The following PDZD2 variants were observed in gnomAD, a reference collection of about 807,000 sequenced individuals.
PDZD2 encodes the protein PDZ domain-containing protein 2.
In PDZD2, 90 loss-of-function variants were observed where a neutral mutation model predicts 220.7. The ratio of observed to expected loss-of-function variants is 0.41; its 90% CI spans 0.34 to 0.49. The LOEUF is 0.49. Among genes scored for constraint, PDZD2 ranks in the 20% least tolerant of loss-of-function variants. The probability of loss-of-function intolerance (pLI) is 0.28; values close to 1 mark genes in which losing one functional copy is unlikely to be tolerated. For missense variants in PDZD2, 3,174 were observed against 3,608.5 expected, an observed-to-expected ratio of 0.88 and a Z score of 3.08; for synonymous variants, 1,375 against 1,450.5, an observed-to-expected ratio of 0.95 and a Z score of 1.18.
At chr5:31,957,044 G>A (rs1184561070) in intron 2 of PDZD2, among the ~76,000 whole-genome samples, 1 of 152,052 alleles carries the variant, frequency 6.6e-6, no homozygotes, top group Non-Finnish European at 1.5e-5. Context: ...AAGGTATAAG[G>A]GACACTGATG....
intron 1 of PDZD2, among the ~76,000 whole-genome samples, chr5:31,689,976 T>A (rs1747053872): frequency 6.6e-6 from 1 of 152,094 alleles, no homozygotes; most frequent in African/African-American, 2.4e-5. Context: ...GGCAAACTCA[T>A]CAAAACCGCT....
intron 2 of PDZD2, among the ~76,000 whole-genome samples, chr5:31,879,737 T>G (rs1019133458): frequency 6.6e-6 from 1 of 152,052 alleles, no homozygotes; most frequent in Non-Finnish European, 1.5e-5. Context: ...TTTAAAACGT[T>G]TTCTTCTTAG....
chr5:31,782,152 G>A (rs12517489), intron 1 of PDZD2, among the ~76,000 whole-genome samples: 10,565 of 152,236 alleles, frequency 0.069, 1,164 homozygotes, highest in East Asian at 0.54. Context: ...GCAGGTCACA[G>A]ACTCTGAGAG....
intron 1 of PDZD2, chr5:31,664,831 T>G (rs1330869884): frequency 6.6e-6 from 1 of 152,244 alleles, no homozygotes; most frequent in Non-Finnish European, 1.5e-5. Flanking sequence ...CCCACCAATG[T>G]CCTAGGGCTG....
chr5:31,702,408 C>A (rs1251809347), intron 1 of PDZD2, among the ~76,000 whole-genome samples: 1 of 152,156 alleles, frequency 6.6e-6, no homozygotes. Context: ...CGGCCTTGGA[C>A]CTGAGAGTTC....
chr5:32,062,393 A>T (rs985573669), intron 14 of PDZD2, among the ~76,000 whole-genome samples: 2 of 141,266 alleles, frequency 1.4e-5, no homozygotes, highest in Non-Finnish European at 3.1e-5. Context: ...TCAAGACTAA[A>T]TTTTTTTTTT....
At chr5:31,723,599 CTTATT>C (rs1461256596) in intron 1 of PDZD2, among the ~76,000 whole-genome samples, 1 of 151,856 alleles carries the variant, frequency 6.6e-6, no homozygotes, top group Non-Finnish European at 1.5e-5. Flanking sequence ...CAACTTGCCT[CTTATT>C]TTATTATTAT....
Position 31,803,261 on chromosome 5 carries a change from CTTT to C in PDZD2, c.476+3557_476+3559del, listed in dbSNP as rs759569783. Among the ~76,000 whole-genome samples, 150 of 92,234 alleles carry C rather than the reference CTTT, an allele frequency of 1.6e-3. 1 individual carries two copies. Among genetic ancestry groups the C allele is most frequent in the African/African-American group, 7.1e-3 (143 of 20,114 alleles). 60.5% of individuals were successfully genotyped at this position (92,234 alleles called of 152,430 possible). A position where few individuals can be genotyped will look rare whatever the true frequency, so the allele number is the denominator to read the frequency against. The stretch of plus-strand genomic sequence containing the variant: ...TGCAGGTGTGCACCACTGCATCTGG[CTTT>C]TTTTTTTTTTTTTTTTTTTGTAGAG... On this transcript the variant is annotated intron_variant, in intron 2 of 24. Coordinates refer to ENST00000438447, the MANE Select transcript of PDZD2 (RefSeq NM_178140.4).
At chr5:31,782,785 C>T (rs958034675) in intron 1 of PDZD2, among the ~76,000 whole-genome samples, 1 of 139,438 alleles carries the variant, frequency 7.2e-6, no homozygotes. Flanking sequence ...ACGATCTCGG[C>T]TTACCACAAT....
intron 1 of PDZD2, among the ~76,000 whole-genome samples, chr5:31,669,836 G>T (rs184690450): frequency 6.6e-6 from 1 of 152,088 alleles, no homozygotes; most frequent in Non-Finnish European, 1.5e-5. Flanking sequence ...AAACATGAAG[G>T]CTGTCTTAAA....
chr5:31,887,974 A>G (rs962539083), intron 2 of PDZD2, among the ~76,000 whole-genome samples: 8 of 152,124 alleles, frequency 5.3e-5, no homozygotes, highest in African/African-American at 1.7e-4. Context: ...AACTTCCAAC[A>G]TACGATGGGC....
chr5:32,105,446 G>T (rs1344827367), intron 24 of PDZD2, among the ~76,000 whole-genome samples: 1 of 152,160 alleles, frequency 6.6e-6, no homozygotes, highest in African/African-American at 2.4e-5. Flanking sequence ...GTATCTACTG[G>T]TTAATCTTTA....
At chr5:31,749,658 G>C (rs1376238914) in intron 1 of PDZD2, among the ~76,000 whole-genome samples, 1 of 152,148 alleles carries the variant, frequency 6.6e-6, no homozygotes, top group East Asian at 1.9e-4. Flanking sequence ...TCCTGACCTT[G>C]TGATCTGCCT....
At position 32,057,569 on chromosome 5, in the gene PDZD2, G is replaced by A. The variant is rs1403623055; in HGVS notation, c.1901-86G>A. 3 of 772,252 alleles carry A rather than the reference G, an allele frequency of 3.9e-6. No homozygotes were observed. The African/African-American group carries it at 5.2e-5, about 13-fold the overall frequency. The allele number at this position is 772,252 out of a possible 1,614,324, so 47.8% of individuals were successfully genotyped here. ...TGTGGTAGTAAATCAGGGACCATAT[G>A]GTATCCCAAAATAAGTCTGACTGAG... On this transcript the variant is annotated intron_variant, in intron 10 of 24. Transcript: ENST00000438447.
At chr5:32,072,636 G>T (rs59628971) in intron 17 of PDZD2, among the ~76,000 whole-genome samples, 2,843 of 152,246 alleles carry the variant, frequency 0.019, 83 homozygotes, top group African/African-American at 0.065. Flanking sequence ...GAGGCTGAGT[G>T]GGGAGAATTG....
intron 1 of PDZD2, among the ~76,000 whole-genome samples, chr5:31,783,373 G>A (rs1753171189): frequency 6.6e-6 from 1 of 152,180 alleles, no homozygotes; most frequent in African/African-American, 2.4e-5. Flanking sequence ...GGGCAGGAGA[G>A]CACCTGAGCT....
At chr5:31,807,717 G>A (rs1180127705) in intron 2 of PDZD2, among the ~76,000 whole-genome samples, 2 of 152,172 alleles carry the variant, frequency 1.3e-5, no homozygotes, top group Admixed American at 1.3e-4. Flanking sequence ...CCCGGAGCCT[G>A]CAGGGCCTGA....
chr5:31,893,477 C>G (rs536024990), intron 2 of PDZD2, among the ~76,000 whole-genome samples: 1 of 151,990 alleles, frequency 6.6e-6, no homozygotes, highest in Admixed American at 6.6e-5. Context: ...GGCTGAGGCA[C>G]GAGAATCACT....
At chr5:31,759,065 C>T (rs541047389) in intron 1 of PDZD2, among the ~76,000 whole-genome samples, 20 of 152,088 alleles carry the variant, frequency 1.3e-4, no homozygotes, top group Admixed American at 2.6e-4. Context: ...AAGCAAGACT[C>T]TTAGAACCCA....
Sources: allele counts gnomAD v4.1 joint callset (sites outside exome capture counted in the v4.1 genomes callset), GRCh38; gene constraint gnomAD v4.1.1; transcripts MANE v1.5; gene names NCBI Gene and HGNC (gene_info 2026-07-23, HGNC 2026-07-21).